DGKB: variants seen among roughly 807,000 people sequenced by gnomAD.
The protein encoded by DGKB is diacylglycerol kinase beta, also known as 90 kDa diacylglycerol kinase.
A neutral mutation model predicts 114.3 loss-of-function variants in DGKB; 67 were observed. That is an observed-to-expected ratio of 0.59 (90% CI 0.48 to 0.72). The LOEUF (loss-of-function observed/expected upper bound fraction) is 0.72. Among genes scored for constraint, DGKB ranks in the 30% least tolerant of loss-of-function variants. The probability of loss-of-function intolerance (pLI) is 0.00; values close to 1 mark genes in which losing one functional copy is unlikely to be tolerated. For missense variants in DGKB, 907 were observed against 975.2 expected (o/e 0.93, Z 0.93); for synonymous variants, 398 against 323.1 (o/e 1.23, Z -2.49).
At chr7:14,332,115 C>T (rs538781328) in intron 23 of DGKB, among the ~76,000 whole-genome samples, 47 of 151,092 alleles carry the variant, frequency 3.1e-4, no homozygotes, top group Admixed American at 7.3e-4. Flanking sequence ...GTTTTTTTGG[C>T]CTGAATTTTT....
chr7:14,847,066 G>A (rs1028505281), intron 1 of DGKB, among the ~76,000 whole-genome samples: 13 of 152,006 alleles, frequency 8.6e-5, no homozygotes, highest in Non-Finnish European at 1.3e-4. Flanking sequence ...CGAGGCGGGC[G>A]GATCACGAGG....
intron 2 of DGKB, among the ~76,000 whole-genome samples, chr7:14,802,644 G>C (rs903913325): frequency 5.9e-5 from 9 of 152,138 alleles, no homozygotes; most frequent in Non-Finnish European, 1.3e-4. Context: ...GAAAAGTTTA[G>C]AGAATAAAAC....
intron 21 of DGKB, among the ~76,000 whole-genome samples, chr7:14,366,210 T>C (rs540017907): frequency 3.3e-4 from 50 of 152,288 alleles, no homozygotes; most frequent in Non-Finnish European, 6.3e-4. Context: ...ATTACAATTT[T>C]AAACTGTGTT....
intron 25 of DGKB, among the ~76,000 whole-genome samples, chr7:14,152,644 A>G (rs936377258): frequency 6.6e-6 from 1 of 152,112 alleles, no homozygotes; most frequent in Non-Finnish European, 1.5e-5. Context: ...TTCAAAAACT[A>G]TAAATACGAA....
intron 21 of DGKB, among the ~76,000 whole-genome samples, chr7:14,471,662 G>T (rs1222855864): frequency 6.6e-6 from 1 of 151,694 alleles, no homozygotes; most frequent in East Asian, 2.0e-4. Context: ...AAACTAAAAG[G>T]TATTAATACC....
chr7:14,233,833 C>T (rs1336604608), intron 23 of DGKB, among the ~76,000 whole-genome samples: 1 of 151,864 alleles, frequency 6.6e-6, no homozygotes, highest in Non-Finnish European at 1.5e-5. Context: ...AACCCCCCTC[C>T]CACTCCACAC....
intron 2 of DGKB, among the ~76,000 whole-genome samples, chr7:14,766,467 G>C (rs1200136177): frequency 6.6e-6 from 1 of 151,784 alleles, no homozygotes; most frequent in African/African-American, 2.4e-5. Flanking sequence ...CAATTGGAGG[G>C]ATAAACTTGC....
At chr7:14,172,908 G>A (rs1490225877) in intron 25 of DGKB, among the ~76,000 whole-genome samples, 1 of 152,056 alleles carries the variant, frequency 6.6e-6, no homozygotes, top group Non-Finnish European at 1.5e-5. Context: ...ATTGACTACA[G>A]AATCATATGT....
At chr7:14,919,094 AAACACAC>A (rs1784391044) in intron 1 of DGKB, among the ~76,000 whole-genome samples, 1 of 131,458 alleles carries the variant, frequency 7.6e-6, no homozygotes, top group East Asian at 2.8e-4. Context: ...ACACACACAC[AAACACAC>A]ACACACACAC....
At chr7:14,960,263 T>C (rs962964504) in intron 1 of DGKB, among the ~76,000 whole-genome samples, 1 of 152,220 alleles carries the variant, frequency 6.6e-6, no homozygotes, top group Non-Finnish European at 1.5e-5. Flanking sequence ...CTCAAAACAG[T>C]ACTTAAAGAA....
chr7:14,662,217 AT>A (rs978717371), intron 13 of DGKB, among the ~76,000 whole-genome samples: 14 of 147,610 alleles, frequency 9.5e-5, no homozygotes, highest in African/African-American at 3.5e-4. Context: ...ATTAAAAAAA[AT>A]AAAAATAAAA....
chr7:14,278,535 A>T (rs1425148214), intron 23 of DGKB, among the ~76,000 whole-genome samples: 2 of 152,146 alleles, frequency 1.3e-5, no homozygotes, highest in Non-Finnish European at 2.9e-5. Flanking sequence ...AAACTATACG[A>T]CTACTAGAAT....
At chr7:14,208,872 C>T (rs138410011) in intron 23 of DGKB, among the ~76,000 whole-genome samples, 39 of 134,306 alleles carry the variant, frequency 2.9e-4, no homozygotes, top group African/African-American at 1.2e-3. Context: ...TCATAGCCTC[C>T]TGGAAATAGC....
intron 2 of DGKB, among the ~76,000 whole-genome samples, chr7:14,804,924 T>C (rs1219437096): frequency 6.6e-6 from 1 of 152,116 alleles, no homozygotes; most frequent in Non-Finnish European, 1.5e-5. Flanking sequence ...TTATATGTTT[T>C]CTTTCCTACC....
intron 1 of DGKB, among the ~76,000 whole-genome samples, chr7:14,914,003 A>AAAT: frequency 6.6e-6 from 1 of 152,204 alleles, no homozygotes; most frequent in East Asian, 1.9e-4. Flanking sequence ...TAGCCCTACT[A>AAAT]GGTTCTCATG....
At chr7:14,402,653 A>G (rs1823319829) in intron 21 of DGKB, among the ~76,000 whole-genome samples, 1 of 151,940 alleles carries the variant, frequency 6.6e-6, no homozygotes, top group South Asian at 2.1e-4. Flanking sequence ...AACCATAAGT[A>G]GGTACTATAA....
intron 2 of DGKB, among the ~76,000 whole-genome samples, chr7:14,795,158 A>G (rs1413276719): frequency 6.6e-6 from 1 of 152,246 alleles, no homozygotes; most frequent in Non-Finnish European, 1.5e-5. Flanking sequence ...TAATTTATAC[A>G]GACAGAAATC....
At chr7:14,594,452 GA>G (rs1372977730) in intron 17 of DGKB, among the ~76,000 whole-genome samples, 5 of 151,996 alleles carry the variant, frequency 3.3e-5, no homozygotes. Context: ...AAAATGAAGG[GA>G]AAAATACGAT....
At chr7:14,597,224 A>G (rs1226072615) in intron 17 of DGKB, among the ~76,000 whole-genome samples, 2 of 152,278 alleles carry the variant, frequency 1.3e-5, no homozygotes, top group Admixed American at 1.3e-4. Context: ...AACCATGAAT[A>G]ATTTAATTAC....
Sources: allele counts gnomAD v4.1 joint callset (sites outside exome capture counted in the v4.1 genomes callset), GRCh38; gene constraint gnomAD v4.1.1; transcripts MANE v1.5; gene names NCBI Gene and HGNC (gene_info 2026-07-23, HGNC 2026-07-21).